CTCF: variants seen among roughly 807,000 people sequenced by gnomAD.
CTCF encodes CCCTC-binding factor.
In CTCF, 7 loss-of-function variants were observed where a neutral mutation model predicts 72.3. That is an observed-to-expected ratio of 0.10 (90% confidence interval 0.06 to 0.18). The LOEUF is 0.18. Among genes scored for constraint, CTCF ranks in the 10% least tolerant of loss-of-function variants. CTCF has a pLI of 1.00. For missense variants in CTCF, 516 were observed against 949.1 expected, an observed-to-expected ratio of 0.54 and a Z score of 6.00; for synonymous variants, 374 against 315.8, an observed-to-expected ratio of 1.18 and a Z score of -1.95.
intron 2 of CTCF, among the ~76,000 whole-genome samples, chr16:67,580,772 A>ATTTTTTTTTTT (rs781616750): frequency 1.2e-4 from 14 of 120,158 alleles, no homozygotes; most frequent in African/African-American, 4.8e-4. Context: ...GCCTGGCCAA[A>ATTTTTTTTTTT]TTTTTTTTTT....
At chr16:67,590,148 C>G (rs965947669) in intron 2 of CTCF, among the ~76,000 whole-genome samples, 8 of 149,664 alleles carry the variant, frequency 5.3e-5, no homozygotes, top group Non-Finnish European at 1.0e-4. Flanking sequence ...GAGTTCCTTT[C>G]TACAGCAGCG....
intron 2 of CTCF, among the ~76,000 whole-genome samples, chr16:67,587,289 CATT>C (rs2051681806): frequency 6.6e-6 from 1 of 151,920 alleles, no homozygotes; most frequent in South Asian, 2.1e-4. Context: ...TTGTCGAAGA[CATT>C]ATATTGCTAT....
chr16:67,593,758 A>G (rs2051776624), intron 2 of CTCF, among the ~76,000 whole-genome samples: 1 of 152,178 alleles, frequency 6.6e-6, no homozygotes, highest in Non-Finnish European at 1.5e-5. Flanking sequence ...TGCCCCTTAT[A>G]ATGGATAGTA....
At chr16:67,587,552 T>A (rs1039165441) in intron 2 of CTCF, among the ~76,000 whole-genome samples, 2 of 151,710 alleles carry the variant, frequency 1.3e-5, no homozygotes, top group African/African-American at 4.8e-5. Flanking sequence ...TCTTTTTCCC[T>A]TCTTTCATGC....
chr16:67,619,585 G>A (rs1292462770), intron 5 of CTCF, among the ~76,000 whole-genome samples: 1 of 152,074 alleles, frequency 6.6e-6, no homozygotes, highest in African/African-American at 2.4e-5. Flanking sequence ...TTTTGGAGCA[G>A]GGGGTGCGTG....
intron 2 of CTCF, among the ~76,000 whole-genome samples, chr16:67,594,655 C>G (rs1046528611): frequency 6.6e-6 from 1 of 152,176 alleles, no homozygotes; most frequent in Non-Finnish European, 1.5e-5. Context: ...TAGGCTTTCA[C>G]TTAGCATATA....
In CTCF at chr16:67,628,466, G is replaced by A. The variant is rs2052320457; in HGVS notation, c.1615G>A (p.Asp539Asn). The change falls in exon 9 of 12, where the codon GAC (aspartate) becomes AAC (asparagine). Residue 539 changes from aspartate (D) to asparagine (N), a missense_variant. This residue lies in a region of CTCF where 81 missense variants were observed against 184.3 expected (regional missense o/e 0.44). Coordinates refer to ENST00000264010, the MANE Select transcript of CTCF (RefSeq NM_006565.4). ...GACCTTCCGCCAGAAGCAGCTTCTC[G>A]ACATGCACTTCAAGCGCTATCACGA... Reference protein sequence around the residue: ...DKTFRQKQLLDMHFKRYHDPN... With the variant: ...DKTFRQKQLLNMHFKRYHDPN... The A allele has an allele frequency of 6.2e-7, 1 of 1,614,082 alleles. No homozygotes were observed.
rs190479230 is a variant in CTCF, at chr16:67,590,010, G to A, written c.-10+18746G>A. On this transcript the variant is annotated intron_variant, in intron 2 of 11. Transcript: ENST00000264010. ...GCTGAGACAGGAGAATCACTTGAAC[G>A]CAGGAGGCGGCCGTTGCAGTGAGCC... 7.2e-5 allele frequency among the ~76,000 whole-genome samples: 11 copies of A among 152,134 alleles called. 1 individual carries two copies. In the East Asian group the frequency reaches 9.6e-4, roughly 13 times the overall value.
chr16:67,636,916 GTCCT>G, intron 11 of CTCF, 65 bp downstream of exon 11: 7 of 1,342,502 alleles, frequency 5.2e-6, no homozygotes, highest in Non-Finnish European at 6.9e-6. Flanking sequence ...AGCCAGATGG[GTCCT>G]TGTTCTTTGG....
chr16:67,589,932 C>A (rs556476698), intron 2 of CTCF, among the ~76,000 whole-genome samples: 1 of 152,108 alleles, frequency 6.6e-6, no homozygotes, highest in South Asian at 2.1e-4. Flanking sequence ...ACTAAAAATA[C>A]AAAAATTAGC....
chr16:67,626,015 G>A (rs1433780889), intron 7 of CTCF, among the ~76,000 whole-genome samples: 3 of 151,850 alleles, frequency 2.0e-5, no homozygotes, highest in African/African-American at 4.8e-5. Context: ...CACACCCATT[G>A]TCATCACCCT....
chr16:67,624,918 A>G (rs564762197), intron 7 of CTCF, among the ~76,000 whole-genome samples: 30 of 150,658 alleles, frequency 2.0e-4, no homozygotes, highest in Non-Finnish European at 4.3e-4. Context: ...CTTTGTGTGT[A>G]TGTGTGCTTG....
chr16:67,619,910 T>G (rs1224133829), intron 5 of CTCF, among the ~76,000 whole-genome samples: 1 of 151,936 alleles, frequency 6.6e-6, no homozygotes, highest in East Asian at 1.9e-4. Context: ...GAATCAAGTT[T>G]GAAAGTCACT....
At chr16:67,628,224 T>C in intron 8 of CTCF, 146 bp from the exon 9 acceptor site, 1 of 679,986 alleles carries the variant, frequency 1.5e-6, no homozygotes, top group South Asian at 2.0e-5. Flanking sequence ...TGTCTCTAAA[T>C]ATATAGCTTT....
Position 67,582,526 on chromosome 16 carries a change from C to G in CTCF, c.-10+11262C>G, listed in dbSNP as rs1394425593. ...TGGGCGACATGATGAAACTCGGTCT[C>G]TACTAAAAATATAAAAATCAGCCGA... On this transcript the variant is annotated intron_variant, in intron 2 of 11. Coordinates refer to ENST00000264010, the MANE Select transcript of CTCF (RefSeq NM_006565.4). Among the ~76,000 whole-genome samples the G allele has an allele frequency of 2.0e-5, 3 of 151,896 alleles. No individual in the cohort carries two copies. In the East Asian group the frequency reaches 5.8e-4, roughly 29 times the overall value.
chr16:67,592,169 T>C (rs963994721), intron 2 of CTCF, among the ~76,000 whole-genome samples: 2 of 152,112 alleles, frequency 1.3e-5, no homozygotes, highest in African/African-American at 2.4e-5. Flanking sequence ...CCCAGCACTT[T>C]GGGAGGATGA....
At chr16:67,570,879 A>G (rs1303167120) in intron 1 of CTCF, 2 of 151,410 alleles carry the variant, frequency 1.3e-5, no homozygotes, top group Admixed American at 6.6e-5. Flanking sequence ...CGTTAAGATT[A>G]CTGGTGTGAG....
chr16:67,565,563 C>T (rs929349986), intron 1 of CTCF, among the ~76,000 whole-genome samples: 3 of 150,538 alleles, frequency 2.0e-5, no homozygotes, highest in Admixed American at 6.7e-5. Context: ...GTCCTGGCTA[C>T]TAGGGAGGCT....
intron 2 of CTCF, among the ~76,000 whole-genome samples, chr16:67,608,931 G>T (rs1487552897): frequency 6.6e-6 from 1 of 151,982 alleles, no homozygotes; most frequent in Non-Finnish European, 1.5e-5. Flanking sequence ...ACTTAGGACG[G>T]GGTTTCTCCA....
Sources: gnomAD v4.1 joint callset for allele counts (sites outside exome capture counted in the v4.1 genomes callset) on GRCh38, gnomAD v4.1.1 for gene constraint, gnomAD v4.1.1 regional missense constraint, MANE v1.5 for transcripts, NCBI Gene and HGNC (gene_info 2026-07-23, HGNC 2026-07-21) for gene names.